Variants in RAPGEF1 observed in about 807,000 individuals in gnomAD.
RAPGEF1 encodes the protein CRK SH3-binding GNRP.
Under a neutral mutation model 143.3 loss-of-function variants are expected in RAPGEF1, and 33 were observed. That is an observed-to-expected ratio of 0.23 (90% CI 0.17 to 0.31). RAPGEF1 has a LOEUF of 0.31. Ranked by LOEUF, RAPGEF1 falls within the 10% of genes least tolerant of loss-of-function variation. The probability of loss-of-function intolerance (pLI) is 1.00; values close to 1 mark genes in which losing one functional copy is unlikely to be tolerated. For synonymous variants in RAPGEF1, 629 were observed against 676.5 expected, an observed-to-expected ratio of 0.93 and a Z score of 1.09; for missense variants, 1,199 against 1,645.4, an observed-to-expected ratio of 0.73 and a Z score of 4.69.
chr9:131,643,269 A>G lies in RAPGEF1; in HGVS notation c.464T>C (p.Leu155Pro). 1 of 1,612,834 alleles carries G rather than the reference A, an allele frequency of 6.2e-7. No homozygotes were observed. The highest frequency in any genetic ancestry group is 8.5e-7 in the Non-Finnish European group (1 of 1,179,672). The change falls in exon 4 of 27, where the codon CTG becomes CCG. Residue 155 changes from leucine (L) to proline (P), a missense_variant. Leu to Pro is a moderately conservative substitution (Grantham distance 98). Transcript: ENST00000683357. ...CTGAATTCGAGGATCGTTCTGCACC[A>G]GGGGTAAGATGGCCTCCAGCACCTT... is the stretch of plus-strand genomic sequence containing the variant. ...ASKVLEAILP[L>P]VQNDPRIQHS...
intron 22 of RAPGEF1, among the ~76,000 whole-genome samples, chr9:131,586,863 CA>C (rs1953065099): frequency 8.7e-6 from 1 of 114,646 alleles, no homozygotes; most frequent in African/African-American, 3.8e-5. Flanking sequence ...CACACACACA[CA>C]CCTGCAGAGC....
intron 10 of RAPGEF1, among the ~76,000 whole-genome samples, chr9:131,624,695 C>T (rs958541280): frequency 1.3e-4 from 20 of 152,250 alleles, no homozygotes; most frequent in African/African-American, 4.8e-4. Context: ...GCTCTTTAAA[C>T]ACTTGTCCAT....
At position 131,584,024 on chromosome 9, in the gene RAPGEF1, G is replaced by A. The variant is rs1209505932; in HGVS notation, c.3414+287C>T. On this transcript the variant is annotated intron_variant, in intron 24 of 26. Coordinates refer to ENST00000683357, the MANE Select transcript of RAPGEF1 (RefSeq NM_001377935.1). The surrounding 1 kb of genome is among the most constrained non-coding windows in gnomAD (Gnocchi z 6.8). ...CTTCAGAAGAACGGGCTGAGGGCGGGCGGGGGAGGCGGGAACCCAGGGATG... is the reference window on the plus strand; with the variant it reads ...CTTCAGAAGAACGGGCTGAGGGCGGACGGGGGAGGCGGGAACCCAGGGATG... 6.6e-6 allele frequency among the ~76,000 whole-genome samples: 1 copy of A among 152,240 alleles called. No homozygotes were observed. Among genetic ancestry groups the A allele is most frequent in the African/African-American group, 2.4e-5 (1 of 41,462 alleles).
intron 1 of RAPGEF1, among the ~76,000 whole-genome samples, chr9:131,717,500 G>T (rs1835943714): frequency 6.6e-6 from 1 of 152,152 alleles, no homozygotes; most frequent in African/African-American, 2.4e-5. Flanking sequence ...AATAGGCCAG[G>T]CGCGGTGGCT....
intron 1 of RAPGEF1, among the ~76,000 whole-genome samples, chr9:131,717,304 A>C (rs1183442313): frequency 1.3e-5 from 2 of 152,144 alleles, no homozygotes; most frequent in Non-Finnish European, 2.9e-5. Flanking sequence ...GTGCTCCTCA[A>C]GCTTGTAAAA....
At chr9:131,651,855 C>T (rs905048540) in intron 1 of RAPGEF1, among the ~76,000 whole-genome samples, 1 of 152,344 alleles carries the variant, frequency 6.6e-6, no homozygotes, top group East Asian at 1.9e-4. Flanking sequence ...GCCTACTACA[C>T]ACCTAGGCTA....
Position 131,584,495 on chromosome 9 carries a change from G to C in RAPGEF1, c.3312+23C>G. 1 of 1,613,492 alleles carries C rather than the reference G, an allele frequency of 6.2e-7. No homozygotes were observed. Among genetic ancestry groups the C allele is most frequent in the Non-Finnish European group, 8.5e-7 (1 of 1,179,370 alleles). ...GAGCAGGGACTGATGATGGGGGCCTGGGAAGGACTTGGCCACCATTACCTT... is the reference window on the plus strand; with the variant it reads ...GAGCAGGGACTGATGATGGGGGCCTCGGAAGGACTTGGCCACCATTACCTT... On this transcript the variant is annotated intron_variant, in intron 23 of 26. Transcript: ENST00000683357. This position sits in a 1 kb window ranked among gnomAD's most constrained non-coding sequence, Gnocchi z 6.8.
chr9:131,732,038 TC>T (rs1837105855), intron 1 of RAPGEF1, among the ~76,000 whole-genome samples: 1 of 151,386 alleles, frequency 6.6e-6, no homozygotes, highest in South Asian at 2.1e-4. Context: ...CAGATGAACC[TC>T]CCCCCCTGTA....
At chr9:131,718,221 T>C (rs571648008) in intron 1 of RAPGEF1, among the ~76,000 whole-genome samples, 54 of 152,234 alleles carry the variant, frequency 3.5e-4, no homozygotes, top group African/African-American at 1.2e-3. Flanking sequence ...AAGGAACACC[T>C]GGAAGAAGAG....
At chr9:131,701,992 C>T (rs1320906052) in intron 1 of RAPGEF1, among the ~76,000 whole-genome samples, 4 of 152,200 alleles carry the variant, frequency 2.6e-5, no homozygotes, top group East Asian at 1.9e-4. Flanking sequence ...AACCAATGGC[C>T]TTGTCCGTTC....
At chr9:131,591,215 A>G (rs1024472750) in intron 18 of RAPGEF1, among the ~76,000 whole-genome samples, 2 of 152,234 alleles carry the variant, frequency 1.3e-5, no homozygotes, top group African/African-American at 4.8e-5. Flanking sequence ...AAAGGTCAAC[A>G]CGAGGGGAGA....
intron 1 of RAPGEF1, among the ~76,000 whole-genome samples, chr9:131,678,336 C>G (rs1360244287): frequency 6.6e-6 from 1 of 152,198 alleles, no homozygotes; most frequent in Non-Finnish European, 1.5e-5. Context: ...GCACAACATT[C>G]TAGAAGGAAT....
intron 1 of RAPGEF1, among the ~76,000 whole-genome samples, chr9:131,719,702 G>A (rs1050213110): frequency 1.3e-5 from 2 of 151,472 alleles, no homozygotes; most frequent in Admixed American, 1.3e-4. Flanking sequence ...AGATCCTCAC[G>A]ATAAGAGAAG....
chr9:131,638,255 A>G (rs1452704717), intron 5 of RAPGEF1, among the ~76,000 whole-genome samples: 2 of 152,212 alleles, frequency 1.3e-5, no homozygotes, highest in Non-Finnish European at 2.9e-5. Flanking sequence ...TTCTACCAAG[A>G]ATCCTAGAAG....
In RAPGEF1 at chr9:131,651,327, G is replaced by A. The variant is rs528711090; in HGVS notation, c.62-378C>T. Among the ~76,000 whole-genome samples the A allele has an allele frequency of 2.6e-5, 4 of 152,300 alleles. No homozygotes were observed. The East Asian group carries it at 5.8e-4, about 22-fold the overall frequency. ...GAGAACTGGAAAGGAAGGCCCTTTC[G>A]CATCAACCTCTTCATTCTTTAAGAA... On this transcript the variant is annotated intron_variant, in intron 1 of 26. Coordinates refer to ENST00000683357, the MANE Select transcript of RAPGEF1 (RefSeq NM_001377935.1).
intron 1 of RAPGEF1, among the ~76,000 whole-genome samples, chr9:131,688,417 C>G (rs1229894567): frequency 2.0e-5 from 3 of 152,130 alleles, no homozygotes; most frequent in African/African-American, 7.2e-5. Context: ...TGTTAACTAC[C>G]CATTAACATA....
intron 16 of RAPGEF1, among the ~76,000 whole-genome samples, chr9:131,596,608 G>A (rs1955338580): frequency 6.6e-6 from 1 of 152,204 alleles, no homozygotes; most frequent in Non-Finnish European, 1.5e-5. Flanking sequence ...GGAGCTGGAT[G>A]GCCTGGGAGC....
At chr9:131,630,361 C>T (rs774707341) in intron 5 of RAPGEF1, 37 bp from the exon 6 acceptor site, 20 of 1,600,992 alleles carry the variant, frequency 1.2e-5, no homozygotes, top group Admixed American at 1.7e-5. Context: ...GCAAAGCTCC[C>T]GTCACCACTG....
intron 3 of RAPGEF1, among the ~76,000 whole-genome samples, chr9:131,648,948 T>C (rs546787305): frequency 6.6e-6 from 1 of 152,358 alleles, no homozygotes; most frequent in Admixed American, 6.5e-5. Context: ...TTCTGCTACA[T>C]AGAAATTATA....
Sources: allele counts gnomAD v4.1 joint callset (sites outside exome capture counted in the v4.1 genomes callset), GRCh38; gene constraint gnomAD v4.1.1; non-coding constraint Gnocchi (gnomAD v3.1); transcripts MANE v1.5; gene names NCBI Gene and HGNC (gene_info 2026-07-23, HGNC 2026-07-21).